Variants in SLF1 observed in about 807,000 individuals in gnomAD.
The protein encoded by SLF1 is SMC5/6 complex localization factor 1.
SLF1 carries 105 observed loss-of-function variants against 123.0 expected under a neutral mutation model. The ratio of observed to expected loss-of-function variants is 0.85; its 90% CI spans 0.73 to 1.00. The LOEUF is 1.00. Among genes scored for constraint, SLF1 ranks in the 50% least tolerant of loss-of-function variants. SLF1 has a pLI of 0.00. For missense variants in SLF1, 1,239 were observed against 1,223.0 expected (o/e 1.01, Z -0.20); for synonymous variants, 434 against 406.6 (o/e 1.07, Z -0.81).
chr5:94,665,918 C>G lies in SLF1; in HGVS notation c.1426C>G (p.Leu476Val). 8 of 1,550,716 alleles carry G rather than the reference C, an allele frequency of 5.2e-6. No homozygotes were observed. Among genetic ancestry groups the G allele is most frequent in the Non-Finnish European group, 7.0e-6 (8 of 1,146,012 alleles). The change falls in exon 12 of 21, where the codon CTG (leucine) becomes GTG (valine). Residue 476 changes from leucine to valine, a missense_variant. Transcript: ENST00000265140. ...YFHILSALLH[L>V]HPPWKSPAMS... Reference sequence around the variant, plus strand: ...TCATATATTGTCAGCTCTTCTTCACCTGCATCCTCCTTGGAAGTCTCCAGC... The same window carrying G: ...TCATATATTGTCAGCTCTTCTTCACGTGCATCCTCCTTGGAAGTCTCCAGC...
At position 94,654,746 on chromosome 5, in the gene SLF1, A is replaced by T; in HGVS notation, c.1149A>T (p.Arg383Ser). ...IKNTLRKHIY[R>S]AQAVRYNCIR... is the part of the protein sequence containing the mutation. ...ATACCTTAAGGAAGCACATATATAG[A>T]GCTCAGGTAAAACTTGGCACATGAA... Residue 383 changes from arginine (R) to serine (S), a missense_variant, in exon 9 of 21, where the codon AGA becomes AGT. Transcript: ENST00000265140. 6.7e-7 allele frequency: 1 copy of T among 1,503,276 alleles called. No individual in the cohort carries two copies. Among genetic ancestry groups the T allele is most frequent in the South Asian group, 1.4e-5 (1 of 73,592 alleles). The allele number at this position is 1,503,276 out of a possible 1,614,324, so 93.1% of individuals were successfully genotyped here. A position where few individuals can be genotyped will look rare whatever the true frequency, so the allele number is the denominator to read the frequency against.
intron 16 of SLF1, among the ~76,000 whole-genome samples, chr5:94,686,968 T>C (rs1752503008): frequency 6.6e-6 from 1 of 152,036 alleles, no homozygotes; most frequent in African/African-American, 2.4e-5. Flanking sequence ...TTTGTATTTT[T>C]AGTAGAGACG....
At position 94,695,108 on chromosome 5, in the gene SLF1, G is replaced by A. The variant is rs202230216; in HGVS notation, c.2973G>A (p.Met991Ile). The change falls in exon 21 of 21, where the codon ATG becomes ATA. Residue 991 changes from methionine (M) to isoleucine (I), a missense_variant. By Grantham distance (10) the Met-to-Ile change is conservative. Coordinates refer to ENST00000265140, the MANE Select transcript of SLF1 (RefSeq NM_032290.4). ...TAACTCATCTAAATGAACTGCTTAT[G>A]GCTTGTAAAAGTCATAAAGAAACCA... ...KGLTHLNELL[M>I]ACKSHKETTS... The A allele has an allele frequency of 1.2e-4, 196 of 1,612,396 alleles. 1 individual carries two copies. The East Asian group carries it at 4.3e-3, about 35-fold the overall frequency.
At position 94,642,213 on chromosome 5, in the gene SLF1, C is replaced by T. The variant is rs543907761; in HGVS notation, c.432-1060C>T. 4.1e-4 allele frequency among the ~76,000 whole-genome samples: 62 copies of T among 152,230 alleles called. No individual in the cohort carries two copies. In the South Asian group the frequency reaches 5.4e-3, roughly 13 times the overall value. ...AAGTGGGCCTAGTTTTACATCTATCCGTTAATGGCAGCCAGTCACCACTAG... is the reference window on the plus strand; with the variant it reads ...AAGTGGGCCTAGTTTTACATCTATCTGTTAATGGCAGCCAGTCACCACTAG... On this transcript the variant is annotated intron_variant, in intron 4 of 20. Coordinates refer to ENST00000265140, the MANE Select transcript of SLF1 (RefSeq NM_032290.4).
intron 15 of SLF1, among the ~76,000 whole-genome samples, chr5:94,680,864 A>G (rs924548105): frequency 6.6e-6 from 1 of 152,186 alleles, no homozygotes; most frequent in African/African-American, 2.4e-5. Flanking sequence ...TGATTCTGTG[A>G]GTAACATGAA....
chr5:94,694,217 C>T (rs1753340890), intron 20 of SLF1, among the ~76,000 whole-genome samples: 1 of 151,866 alleles, frequency 6.6e-6, no homozygotes, highest in Non-Finnish European at 1.5e-5. Context: ...ATCTTTAGTA[C>T]TTTCTAAGTA....
intron 9 of SLF1, among the ~76,000 whole-genome samples, chr5:94,661,639 A>G (rs12521289): frequency 0.14 from 21,370 of 151,538 alleles, 1,723 homozygotes; most frequent in East Asian, 0.32. Flanking sequence ...GGTTCAAGCA[A>G]TTCTCCTGCC....
intron 5 of SLF1, 25 bp from the exon 6 acceptor site, chr5:94,649,429 C>T: frequency 6.9e-7 from 1 of 1,452,112 alleles, no homozygotes; most frequent in Non-Finnish European, 9.2e-7. Flanking sequence ...AGATGATTGC[C>T]TAAACCATTT....
intron 4 of SLF1, among the ~76,000 whole-genome samples, chr5:94,639,037 C>CTTTTTTTTTTTTTTTTTTT (rs764031689): frequency 9.0e-5 from 8 of 88,958 alleles, no homozygotes; most frequent in Admixed American, 1.4e-4. Context: ...CTTTTCTTCC[C>CTTTTTTTTTTTTTTTTTTT]TTTTTTTTTT....
chr5:94,641,272 C>T (rs576630261), intron 4 of SLF1, among the ~76,000 whole-genome samples: 13 of 142,312 alleles, frequency 9.1e-5, no homozygotes, highest in South Asian at 4.5e-4. Flanking sequence ...GGGATTAATG[C>T]CATTATCATG....
chr5:94,664,153 G>T (rs996063437), intron 11 of SLF1, among the ~76,000 whole-genome samples: 5 of 152,014 alleles, frequency 3.3e-5, no homozygotes, highest in African/African-American at 9.7e-5. Context: ...TGGGGAAAAA[G>T]GTTATCTAAT....
In SLF1 at chr5:94,646,662, A is replaced by G. The variant is rs148877432; in HGVS notation, c.595-2792A>G. 4.6e-5 allele frequency among the ~76,000 whole-genome samples: 7 copies of G among 152,276 alleles called. No individual in the cohort carries two copies. The East Asian group carries it at 1.2e-3, about 25-fold the overall frequency. On this transcript the variant is annotated intron_variant, in intron 5 of 20. Transcript: ENST00000265140. ...TTGACTACTTAAGAAAGAAAAATGA[A>G]CTACAGCAGTCTTATGGGAATATAT... is the stretch of plus-strand genomic sequence containing the variant.
At chr5:94,662,158 TAAATATGAGTATC>T (rs2152485880) in intron 9 of SLF1, 127 bp from the exon 10 acceptor site, 1 of 532,334 alleles carries the variant, frequency 1.9e-6, no homozygotes, top group East Asian at 3.5e-5. Context: ...CTAGTTTGAG[TAAATATGAGTATC>T]ATATTAATTA....
chr5:94,658,824 T>C (rs1340471658), intron 9 of SLF1, among the ~76,000 whole-genome samples: 2 of 152,204 alleles, frequency 1.3e-5, no homozygotes, highest in Non-Finnish European at 1.5e-5. Context: ...TTTTTTCGTT[T>C]TGTCTGTTAT....
At chr5:94,626,215 T>C (rs1025318828) in intron 1 of SLF1, among the ~76,000 whole-genome samples, 6 of 147,860 alleles carry the variant, frequency 4.1e-5, no homozygotes, top group Non-Finnish European at 5.9e-5. Context: ...ATCACGCCAT[T>C]GCACTCCAGC....
At chr5:94,679,423 G>A (rs1310450350) in intron 15 of SLF1, among the ~76,000 whole-genome samples, 2 of 145,508 alleles carry the variant, frequency 1.4e-5, no homozygotes, top group Non-Finnish European at 3.0e-5. Flanking sequence ...GCAAGACTCT[G>A]TCTTTAAAAA....
chr5:94,651,449 CATTA>C (rs1239283128), intron 6 of SLF1, among the ~76,000 whole-genome samples: 1 of 152,144 alleles, frequency 6.6e-6, no homozygotes, highest in Non-Finnish European at 1.5e-5. Context: ...TTGTAATACT[CATTA>C]ATCGGAATTC....
At chr5:94,655,741 T>A (rs957081604) in intron 9 of SLF1, among the ~76,000 whole-genome samples, 1 of 152,154 alleles carries the variant, frequency 6.6e-6, no homozygotes, top group Admixed American at 6.5e-5. Context: ...GTGATTGATT[T>A]ATAGCTAGTT....
At chr5:94,634,342 C>T (rs979713956) in intron 4 of SLF1, among the ~76,000 whole-genome samples, 1 of 152,154 alleles carries the variant, frequency 6.6e-6, no homozygotes, top group Non-Finnish European at 1.5e-5. Context: ...TTGGTAACCA[C>T]CATTCTGCTC....
Sources: gnomAD v4.1 joint callset for allele counts (sites outside exome capture counted in the v4.1 genomes callset) on GRCh38, gnomAD v4.1.1 for gene constraint, MANE v1.5 for transcripts, NCBI Gene and HGNC (gene_info 2026-07-23, HGNC 2026-07-21) for gene names.